Variants in PDE9A observed in about 807,000 individuals in gnomAD.
PDE9A encodes high affinity cGMP-specific 3',5'-cyclic phosphodiesterase 9A.
Under a neutral mutation model 87.4 loss-of-function variants are expected in PDE9A, and 60 were observed. The observed-to-expected ratio is 0.69, with a 90% CI of 0.56 to 0.85. PDE9A has a LOEUF of 0.85. Ranked by LOEUF, PDE9A falls within the 40% of genes least tolerant of loss-of-function variation. The pLI, the probability that PDE9A is intolerant of heterozygous loss-of-function variation, is 0.00. For missense variants in PDE9A, 665 were observed against 779.0 expected, an observed-to-expected ratio of 0.85 and a Z score of 1.74; for synonymous variants, 272 against 279.4, an observed-to-expected ratio of 0.97 and a Z score of 0.27.
At chr21:42,765,018 G>A (rs73231606) in intron 14 of PDE9A, among the ~76,000 whole-genome samples, 186 of 150,734 alleles carry the variant, frequency 1.2e-3, no homozygotes, top group African/African-American at 3.6e-3. Flanking sequence ...TGGATGGATG[G>A]ATGGGTGGAT....
chr21:42,770,912 TG>T (rs2056970007), intron 18 of PDE9A, 114 bp downstream of exon 18: 2 of 734,276 alleles, frequency 2.7e-6, no homozygotes, highest in East Asian at 5.3e-5. Context: ...GAAGGCCCCG[TG>T]GACAGGCACA....
chr21:42,774,916 A>T (rs527750077), intron 19 of PDE9A, among the ~76,000 whole-genome samples: 2 of 148,488 alleles, frequency 1.3e-5, no homozygotes, highest in Admixed American at 6.7e-5. Context: ...ATAATCCTGT[A>T]ACGTTTCTGC....
rs1569115925 is a variant in PDE9A at position 42,670,184 on chromosome 21, CTT to C, written c.70-16007_70-16006del. On this transcript the variant is annotated intron_variant, in intron 1 of 19. Transcript: ENST00000291539. ...ACACACATTCACACGCACACATACA[CTT>C]ACACACATTCACACACATACACTTA... Among the ~76,000 whole-genome samples the C allele has an allele frequency of 1.1e-4, 16 of 142,082 alleles. No individual in the cohort carries two copies. The East Asian group carries it at 2.9e-3, about 26-fold the overall frequency. 93.2% of individuals were successfully genotyped at this position (142,082 alleles called of 152,430 possible).
chr21:42,672,599 G>A (rs1340542843), intron 1 of PDE9A, among the ~76,000 whole-genome samples: 1 of 152,274 alleles, frequency 6.6e-6, no homozygotes, highest in Non-Finnish European at 1.5e-5. Flanking sequence ...GGGGTGTGGA[G>A]GAACCCACCT....
intron 4 of PDE9A, among the ~76,000 whole-genome samples, chr21:42,711,254 T>C (rs2049309233): frequency 7.2e-6 from 1 of 139,566 alleles, no homozygotes; most frequent in Non-Finnish European, 1.6e-5. Context: ...CTCTAATAAG[T>C]TTTGTTTTTT....
intron 1 of PDE9A, among the ~76,000 whole-genome samples, chr21:42,670,576 C>T (rs377243035): frequency 1.3e-5 from 2 of 151,422 alleles, no homozygotes; most frequent in Non-Finnish European, 2.9e-5. Context: ...ATACACACAC[C>T]ACATACACGC....
At chr21:42,717,213 ATTTCTTT>A (rs2050011998) in intron 4 of PDE9A, among the ~76,000 whole-genome samples, 2 of 147,120 alleles carry the variant, frequency 1.4e-5, no homozygotes, top group Admixed American at 1.4e-4. Flanking sequence ...ACTCTAAAGC[ATTTCTTT>A]TTTCTTTTAA....
chr21:42,674,244 A>C (rs1481467812), intron 1 of PDE9A, among the ~76,000 whole-genome samples: 2 of 149,324 alleles, frequency 1.3e-5, no homozygotes, highest in Non-Finnish European at 3.0e-5. Context: ...CTGAAAATCC[A>C]CTTCCACAGT....
At position 42,693,580 on chromosome 21, in the gene PDE9A, G is replaced by A. The variant is rs534997973; in HGVS notation, c.219-5388G>A. Among the ~76,000 whole-genome samples, 443 of 142,538 alleles carry A rather than the reference G, an allele frequency of 3.1e-3. 1 individual carries two copies. The highest frequency in any genetic ancestry group is 4.7e-3 in the Non-Finnish European group (311 of 65,880). 93.5% of individuals were successfully genotyped at this position (142,538 alleles called of 152,430 possible). A position where few individuals can be genotyped will look rare whatever the true frequency, so the allele number is the denominator to read the frequency against. ...GCTGCGATTACAGGCGTGAGCCACC[G>A]CGTCCTACTTTTTTTTTTTTTTTTT... On this transcript the variant is annotated intron_variant, in intron 3 of 19. Coordinates refer to ENST00000291539, the MANE Select transcript of PDE9A (RefSeq NM_002606.3).
At position 42,660,025 on chromosome 21, in the gene PDE9A, G is replaced by A. The variant is rs375795588; in HGVS notation, c.69+6142G>A. ...GCCGGGCAGGGAGGCGGCAGGAACT[G>A]GGCCCCAGGGGGCCAAGACTTCCTG... is the stretch of plus-strand genomic sequence containing the variant. On this transcript the variant is annotated intron_variant, in intron 1 of 19. Coordinates refer to ENST00000291539, the MANE Select transcript of PDE9A (RefSeq NM_002606.3). This position sits in a 1 kb window ranked among gnomAD's most constrained non-coding sequence, Gnocchi z 4.7. Among the ~76,000 whole-genome samples, 2 of 152,226 alleles carry A rather than the reference G, an allele frequency of 1.3e-5. No individual in the cohort carries two copies. Among genetic ancestry groups the A allele is most frequent in the African/African-American group, 2.4e-5 (1 of 41,470 alleles).
chr21:42,685,904 G>T (rs1320625040), intron 1 of PDE9A, among the ~76,000 whole-genome samples: 1 of 152,124 alleles, frequency 6.6e-6, no homozygotes, highest in Non-Finnish European at 1.5e-5. Context: ...GGCCCCTTCC[G>T]AGGGATGCGC....
chr21:42,694,809 G>A lies in PDE9A; in HGVS notation c.219-4159G>A, dbSNP rs2060054406. 6.6e-6 allele frequency among the ~76,000 whole-genome samples: 1 copy of A among 152,162 alleles called. No homozygotes were observed. The highest frequency in any genetic ancestry group is 2.4e-5 in the African/African-American group (1 of 41,432). ...ACTCCCAGCATGGAGTTCTCCAGTGGCCTGTTGGCTACAGGACACTCTCCA... is the reference window on the plus strand; with the variant it reads ...ACTCCCAGCATGGAGTTCTCCAGTGACCTGTTGGCTACAGGACACTCTCCA... On this transcript the variant is annotated intron_variant, in intron 3 of 19. Coordinates refer to ENST00000291539, the MANE Select transcript of PDE9A (RefSeq NM_002606.3). The surrounding 1 kb of genome is among the most constrained non-coding windows in gnomAD (Gnocchi z 5.3).
At chr21:42,672,275 GGGCCTGGAGCAGGGCCAGGCC>G (rs531660308) in intron 1 of PDE9A, among the ~76,000 whole-genome samples, 544 of 152,344 alleles carry the variant, frequency 3.6e-3, no homozygotes, top group Middle Eastern at 0.01. Flanking sequence ...CTGGAGCTGA[GGGCCTGGAGCAGGGCCAGGCC>G]GGGCTCTTCT....
At chr21:42,750,832 G>T (rs943167515) in intron 8 of PDE9A, among the ~76,000 whole-genome samples, 2 of 152,000 alleles carry the variant, frequency 1.3e-5, no homozygotes, top group Admixed American at 6.6e-5. Context: ...TGATCATCCC[G>T]CCTCGACTTC....
chr21:42,733,320 G>A (rs776743013), intron 6 of PDE9A, 36 bp from the exon 7 acceptor site: 6 of 1,249,428 alleles, frequency 4.8e-6, no homozygotes, highest in East Asian at 4.6e-5. Flanking sequence ...AATTTTAAGG[G>A]TCATATTTAC....
Position 42,732,102 on chromosome 21 carries a change from C to T in PDE9A, c.475C>T (p.Gln159Ter). Reference protein sequence around the residue: ...REELIQSVLAQVAEQFSRAFK... With the variant: ...REELIQSVLA ...AGAATTAATCCAGAGCGTGCTGGCG[C>T]AGGTTGCAGAGCAGTTCTCAAGGTA... Residue 159 changes from glutamine (Q) to a stop codon, truncating the protein, a stop_gained, in exon 6 of 20, where the codon CAG (glutamine) becomes TAG (stop). Transcript: ENST00000291539. LOFTEE classifies it high-confidence loss of function. The T allele has an allele frequency of 6.2e-7, 1 of 1,614,182 alleles. No individual in the cohort carries two copies. Among genetic ancestry groups the T allele is most frequent in the Non-Finnish European group, 8.5e-7 (1 of 1,179,982 alleles).
chr21:42,719,731 T>G (rs902335290), intron 4 of PDE9A, among the ~76,000 whole-genome samples: 2 of 152,180 alleles, frequency 1.3e-5, no homozygotes, highest in Non-Finnish European at 2.9e-5. Context: ...TGTATCCTAC[T>G]GATAGATACT....
intron 7 of PDE9A, among the ~76,000 whole-genome samples, 159 bp from the exon 8 acceptor site, chr21:42,743,617 G>C (rs1390704553): frequency 6.6e-6 from 1 of 152,232 alleles, no homozygotes; most frequent in Non-Finnish European, 1.5e-5. Context: ...CGGAAGTGCA[G>C]GCAAAACCTG....
At chr21:42,664,292 G>A (rs1296896719) in intron 1 of PDE9A, among the ~76,000 whole-genome samples, 2 of 152,212 alleles carry the variant, frequency 1.3e-5, no homozygotes, top group East Asian at 1.9e-4. Context: ...CACGGGGCAC[G>A]TTGGTCACAA....
Sources: allele counts gnomAD v4.1 joint callset (sites outside exome capture counted in the v4.1 genomes callset), GRCh38; gene constraint gnomAD v4.1.1; non-coding constraint Gnocchi (gnomAD v3.1); transcripts MANE v1.5; gene names NCBI Gene and HGNC (gene_info 2026-07-23, HGNC 2026-07-21).